IFRD1: variants seen among roughly 807,000 people sequenced by gnomAD.
The protein encoded by IFRD1 is interferon-related developmental regulator 1.
In IFRD1, 35 loss-of-function variants were observed where a neutral mutation model predicts 52.9. That is an observed-to-expected ratio of 0.66 (90% confidence interval 0.51 to 0.88). The LOEUF (loss-of-function observed/expected upper bound fraction) is 0.88. Among genes scored for constraint, IFRD1 ranks in the 40% least tolerant of loss-of-function variants. IFRD1 has a pLI of 0.00. For synonymous variants in IFRD1, 184 were observed against 188.4 expected (o/e 0.98, Z 0.19); for missense variants, 517 against 550.8 (o/e 0.94, Z 0.61).
At chr7:112,449,579 C>A (rs1161825593), upstream of IFRD1, among the ~76,000 whole-genome samples, 1 of 152,046 alleles carries the variant, frequency 6.6e-6, no homozygotes, top group Non-Finnish European at 1.5e-5. Flanking sequence ...AAATACTAGA[C>A]AAATGTCCTA....
intron 8 of IFRD1, among the ~76,000 whole-genome samples, chr7:112,466,339 C>T (rs546099896): frequency 3.9e-5 from 6 of 152,132 alleles, no homozygotes; most frequent in African/African-American, 9.6e-5. Context: ...GGATATTGAA[C>T]TTGGTGATTC....
chr7:112,472,620 T>C, intron 10 of IFRD1, 146 bp from the exon 11 acceptor site: 1 of 729,606 alleles, frequency 1.4e-6, no homozygotes, highest in Admixed American at 2.2e-5. Context: ...TGAAAACAAT[T>C]TGCTTTCTAT....
chr7:112,477,083 G>A lies in IFRD1; in HGVS notation c.*1564G>A, dbSNP rs917254194. 5 of 152,180 alleles carry A rather than the reference G, an allele frequency of 3.3e-5. No individual in the cohort carries two copies. Among genetic ancestry groups the A allele is most frequent in the African/African-American group, 9.7e-5 (4 of 41,432 alleles). The allele number at this position is 152,180 out of a possible 1,614,324, so 9.4% of individuals were successfully genotyped here. A position where few individuals can be genotyped will look rare whatever the true frequency, so the allele number is the denominator to read the frequency against. On this transcript the variant is annotated 3_prime_UTR_variant, in exon 12 of 12. Coordinates refer to ENST00000403825, the MANE Select transcript of IFRD1 (RefSeq NM_001550.4). ...TGTCACTTGGTTATGTTCCAAGTAG[G>A]TTAGAACCATGGAAAAGAGATTGCA...
At chr7:112,460,752 T>TA (rs1465906130) in intron 5 of IFRD1, among the ~76,000 whole-genome samples, 1 of 127,686 alleles carries the variant, frequency 7.8e-6, no homozygotes, top group African/African-American at 2.9e-5. Context: ...ATATCACAGA[T>TA]ATCCTCATAG....
chr7:112,473,066 GTATATA>G (rs770807983), intron 11 of IFRD1, among the ~76,000 whole-genome samples: 1 of 38,164 alleles, frequency 2.6e-5, no homozygotes, highest in African/African-American at 7.4e-5. Context: ...GTGTGTGTGT[GTATATA>G]TGTGTCAGCC....
At chr7:112,459,060 G>A (rs1795365016) in intron 5 of IFRD1, 42 bp downstream of exon 5, 27 of 1,525,888 alleles carry the variant, frequency 1.8e-5, no homozygotes, top group Non-Finnish European at 2.4e-5. Flanking sequence ...GTCTATTCAT[G>A]ACACCCAGAC....
At chr7:112,426,985 C>T (rs1794442376) in intron 1 of IFRD1, among the ~76,000 whole-genome samples, 2 of 152,212 alleles carry the variant, frequency 1.3e-5, no homozygotes, top group Admixed American at 1.3e-4. Context: ...TCATGTCTCC[C>T]TAAAATGTAT....
intron 1 of IFRD1, among the ~76,000 whole-genome samples, chr7:112,439,668 ATCTGT>A (rs1465942286): frequency 6.6e-6 from 1 of 152,170 alleles, no homozygotes; most frequent in Non-Finnish European, 1.5e-5. Flanking sequence ...AGACAAGACC[ATCTGT>A]TCATTTGTAT....
Position 112,433,992 on chromosome 7 carries a change from G to C in IFRD1, c.-182+10560G>C, listed in dbSNP as rs1314148828. Among the ~76,000 whole-genome samples, 4 of 130,504 alleles carry C rather than the reference G, an allele frequency of 3.1e-5. No individual in the cohort carries two copies. In the East Asian group the frequency reaches 6.1e-4, roughly 20 times the overall value. 85.6% of individuals were successfully genotyped at this position (130,504 alleles called of 152,430 possible). A position where few individuals can be genotyped will look rare whatever the true frequency, so the allele number is the denominator to read the frequency against. ...GAGCCACCACGCCCAGCTAATTTTT[G>C]TATTTTTTTTTTAGAGACAGGGTTT... is the stretch of plus-strand genomic sequence containing the variant. On this transcript the variant is annotated intron_variant, in intron 1 of 12. Transcript: ENST00000005558.
At chr7:112,456,436 T>A (rs776111692) in intron 3 of IFRD1, among the ~76,000 whole-genome samples, 3 of 152,210 alleles carry the variant, frequency 2.0e-5, no homozygotes, top group Non-Finnish European at 4.4e-5. Context: ...AACGAAACCT[T>A]GCTTTAAGCT....
At chr7:112,432,308 C>T (rs1794565183) in intron 1 of IFRD1, among the ~76,000 whole-genome samples, 1 of 152,112 alleles carries the variant, frequency 6.6e-6, no homozygotes, top group Non-Finnish European at 1.5e-5. Context: ...CATTCAACAA[C>T]CATGTGTCAG....
chr7:112,468,073 A>G lies in IFRD1; in HGVS notation c.999A>G (p.Arg333=), dbSNP rs1342085010. 1 of 1,614,100 alleles carries G rather than the reference A, an allele frequency of 6.2e-7. No homozygotes were observed. The part of the protein sequence containing the change: ...GNKHRAKVDK[R]KQRSVFRDVL... ...AACACCGGGCCAAAGTGGACAAGAG[A>G]AAGCAGCGGTCAGTTTTCAGAGATG... The change falls in exon 9 of 12, where the codon AGA becomes AGG. Residue 333 remains arginine, a synonymous_variant. Coordinates refer to ENST00000403825, the MANE Select transcript of IFRD1 (RefSeq NM_001550.4).
intron 4 of IFRD1, chr7:112,458,386 C>G (rs1161966144): frequency 6.5e-6 from 1 of 153,826 alleles, no homozygotes; most frequent in Non-Finnish European, 1.4e-5. Flanking sequence ...TATTTTTAAT[C>G]CCGTATTTAT....
In IFRD1 at chr7:112,476,771, A is replaced by G. The variant is rs189088158; in HGVS notation, c.*1252A>G. On this transcript the variant is annotated 3_prime_UTR_variant, in exon 12 of 12. Coordinates refer to ENST00000403825, the MANE Select transcript of IFRD1 (RefSeq NM_001550.4). ...AACTTTAGATTAAAATATATAGTGC[A>G]AGCAACATGCCATTTCAAATCCGTA... The G allele has an allele frequency of 2.6e-5, 4 of 152,366 alleles. No individual in the cohort carries two copies. The East Asian group carries it at 7.7e-4, about 29-fold the overall frequency. 9.4% of individuals were successfully genotyped at this position (152,366 alleles called of 1,614,324 possible).
intron 11 of IFRD1, 63 bp downstream of exon 11, chr7:112,472,924 C>A: frequency 8.9e-7 from 1 of 1,119,790 alleles, no homozygotes; most frequent in Non-Finnish European, 1.4e-6. Context: ...TGTCTAGTGT[C>A]AGCAACTTAG....
intron 8 of IFRD1, chr7:112,467,270 C>T (rs1170858072): frequency 1.3e-5 from 2 of 152,250 alleles, no homozygotes; most frequent in Non-Finnish European, 2.9e-5. Context: ...AGTGTCTGTT[C>T]TAGTTTTGAT....
chr7:112,439,088 A>G (rs1269068605), intron 1 of IFRD1, among the ~76,000 whole-genome samples: 1 of 152,208 alleles, frequency 6.6e-6, no homozygotes, highest in African/African-American at 2.4e-5. Flanking sequence ...CAAGAGAGTG[A>G]AAAAAGCCCA....
chr7:112,455,499 CAAAA>C (rs1439004372), intron 1 of IFRD1, among the ~76,000 whole-genome samples: 1 of 102,246 alleles, frequency 9.8e-6, no homozygotes, highest in Non-Finnish European at 2.1e-5. Flanking sequence ...ACAAAAAAAA[CAAAA>C]CAAAACAAAA....
chr7:112,425,140 G>A (rs1794400648), intron 1 of IFRD1, among the ~76,000 whole-genome samples: 1 of 152,130 alleles, frequency 6.6e-6, no homozygotes, highest in Admixed American at 6.5e-5. Flanking sequence ...CCAGTAGCTG[G>A]GATTATAGGT....
Sources: allele counts gnomAD v4.1 joint callset (sites outside exome capture counted in the v4.1 genomes callset), GRCh38; gene constraint gnomAD v4.1.1; transcripts MANE v1.5; gene names NCBI Gene and HGNC (gene_info 2026-07-23, HGNC 2026-07-21).